Variants in PPP2R2C observed in about 807,000 individuals in gnomAD.
PPP2R2C encodes the protein protein phosphatase 2 regulatory subunit Bgamma.
A neutral mutation model predicts 45.3 loss-of-function variants in PPP2R2C; 10 were observed. The observed-to-expected ratio is 0.22, with a 90% CI of 0.14 to 0.37. The LOEUF is 0.37. PPP2R2C is among the 10% of genes least tolerant of loss of function. The pLI, the probability that PPP2R2C is intolerant of heterozygous loss-of-function variation, is 1.00. For missense variants in PPP2R2C, 308 were observed against 619.7 expected (o/e 0.50, Z 5.34); for synonymous variants, 257 against 245.4 (o/e 1.05, Z -0.44).
chr4:6,461,806 T>C (rs147334930), intron 1 of PPP2R2C, among the ~76,000 whole-genome samples: 1 of 152,350 alleles, frequency 6.6e-6, no homozygotes, highest in African/African-American at 2.4e-5. Context: ...CTGTATGTAG[T>C]GACCAGCTGA....
At chr4:6,460,188 C>G (rs138748455) in intron 1 of PPP2R2C, among the ~76,000 whole-genome samples, 1 of 152,156 alleles carries the variant, frequency 6.6e-6, no homozygotes, top group Non-Finnish European at 1.5e-5. Flanking sequence ...GTCCTAACCC[C>G]TAGAACCTCA....
intron 5 of PPP2R2C, among the ~76,000 whole-genome samples, chr4:6,369,814 T>C (rs1014995584): frequency 5.9e-5 from 9 of 152,174 alleles, no homozygotes; most frequent in African/African-American, 1.9e-4. Context: ...TCCACTGCCA[T>C]GGCGGGGCTG....
At chr4:6,354,180 C>G (rs984991949) in intron 5 of PPP2R2C, among the ~76,000 whole-genome samples, 12 of 151,480 alleles carry the variant, frequency 7.9e-5, no homozygotes, top group African/African-American at 2.9e-4. Flanking sequence ...AGTGAACTTC[C>G]TCAAACAGCT....
intron 1 of PPP2R2C, among the ~76,000 whole-genome samples, chr4:6,464,182 C>T (rs1445723874): frequency 5.3e-5 from 8 of 152,192 alleles, no homozygotes; most frequent in Admixed American, 4.6e-4. Context: ...TCATGTCCAG[C>T]ATATAGTATT....
In PPP2R2C at chr4:6,456,381, T is replaced by A. The variant is rs1721038562; in HGVS notation, c.70+15779A>T. ...ATGAAATAAAATAGAGAAATAAAAT[T>A]AAGATCTTCTCAAAAAGAGCACCTT... On this transcript the variant is annotated intron_variant, in intron 1 of 8. Coordinates refer to ENST00000382599, the MANE Select transcript of PPP2R2C (RefSeq NM_020416.4). 2.0e-5 allele frequency among the ~76,000 whole-genome samples: 3 copies of A among 149,218 alleles called. No individual in the cohort carries two copies. The South Asian group carries it at 6.4e-4, about 32-fold the overall frequency.
At chr4:6,528,339 A>G (rs13105372) in intron 2 of PPP2R2C, among the ~76,000 whole-genome samples, 1 of 152,082 alleles carries the variant, frequency 6.6e-6, no homozygotes, top group African/African-American at 2.4e-5. Context: ...AGGGGCTTCC[A>G]GGGCCTGTGC....
intron 6 of PPP2R2C, among the ~76,000 whole-genome samples, chr4:6,341,899 T>G (rs761915514): frequency 1.5e-4 from 23 of 152,104 alleles, no homozygotes; most frequent in Non-Finnish European, 3.2e-4. Context: ...AGTTCCAGAA[T>G]GTACAACAGT....
At chr4:6,550,925 C>T (rs752513224) in intron 1 of PPP2R2C, among the ~76,000 whole-genome samples, 6 of 152,330 alleles carry the variant, frequency 3.9e-5, no homozygotes, top group South Asian at 2.1e-4. Context: ...GGGTTACAGG[C>T]ATGAGCCACA....
At chr4:6,558,176 G>A (rs1028406276) in intron 1 of PPP2R2C, among the ~76,000 whole-genome samples, 2 of 152,222 alleles carry the variant, frequency 1.3e-5, no homozygotes, top group African/African-American at 2.4e-5. Flanking sequence ...CCGAGTGAGC[G>A]CCTGATACAC....
intron 2 of PPP2R2C, among the ~76,000 whole-genome samples, chr4:6,519,021 C>T (rs1723926454): frequency 6.6e-6 from 1 of 150,692 alleles, no homozygotes; most frequent in African/African-American, 2.5e-5. Context: ...CAGAAAGTAC[C>T]AGGCCCAGAT....
intron 1 of PPP2R2C, among the ~76,000 whole-genome samples, chr4:6,454,363 C>A (rs1720901300): frequency 6.6e-6 from 1 of 152,214 alleles, no homozygotes; most frequent in Non-Finnish European, 1.5e-5. Flanking sequence ...ACACAATTGA[C>A]ACTGAGATGT....
At chr4:6,350,722 G>C (rs1301690847) in intron 5 of PPP2R2C, 3 of 985,260 alleles carry the variant, frequency 3.0e-6, no homozygotes, top group Non-Finnish European at 3.6e-6. Context: ...CCAGAGGCTG[G>C]TTGCTTCTGC....
intron 5 of PPP2R2C, chr4:6,349,953 G>GAA (rs541002804): frequency 1.0e-6 from 1 of 985,170 alleles, no homozygotes; most frequent in Non-Finnish European, 1.2e-6. Flanking sequence ...AAATGCCAGG[G>GAA]AAAAAAATGG....
chr4:6,535,437 G>T, intron 1 of PPP2R2C: 1 of 1,128,676 alleles, frequency 8.9e-7, no homozygotes, highest in Non-Finnish European at 1.3e-6. Context: ...CATGCACGCC[G>T]CCACACACCA....
chr4:6,498,686 A>C (rs891364860), intron 2 of PPP2R2C, among the ~76,000 whole-genome samples: 2 of 152,096 alleles, frequency 1.3e-5, no homozygotes, highest in African/African-American at 4.8e-5. Context: ...GTTGGGGAGC[A>C]ACAGTTCACT....
At chr4:6,381,539 C>T in intron 1 of PPP2R2C, 8 of 1,401,790 alleles carry the variant, frequency 5.7e-6, no homozygotes, top group Non-Finnish European at 7.4e-6. Context: ...CGCAAGGCAA[C>T]CCTCTGCTAG....
chr4:6,325,397 G>C (rs763299438), intron 8 of PPP2R2C, among the ~76,000 whole-genome samples: 2 of 152,146 alleles, frequency 1.3e-5, no homozygotes, highest in Non-Finnish European at 2.9e-5. Flanking sequence ...GAGGGGGGCC[G>C]GGTGAACGAG....
At chr4:6,370,279 A>G (rs772671527) in intron 5 of PPP2R2C, among the ~76,000 whole-genome samples, 8 of 152,216 alleles carry the variant, frequency 5.3e-5, no homozygotes, top group Non-Finnish European at 1.0e-4. Flanking sequence ...CATCTGTGAA[A>G]TGGGGTGATC....
intron 1 of PPP2R2C, among the ~76,000 whole-genome samples, chr4:6,554,914 GGAAGGAAGGAAGGAAGGAAA>G (rs1725317587): frequency 1.2e-5 from 1 of 84,252 alleles, no homozygotes; most frequent in Non-Finnish European, 2.4e-5. Flanking sequence ...AAGGAAGGAA[GGAAGGAAGGAAGGAAGGAAA>G]GAAAGAAAGA....
Sources: allele counts gnomAD v4.1 joint callset (sites outside exome capture counted in the v4.1 genomes callset), GRCh38; gene constraint gnomAD v4.1.1; transcripts MANE v1.5; gene names NCBI Gene and HGNC (gene_info 2026-07-23, HGNC 2026-07-21).